Variants in EYS observed in about 807,000 individuals in gnomAD.
The protein encoded by EYS is protein eyes shut homolog.
A neutral mutation model predicts 282.1 loss-of-function variants in EYS; 250 were observed. The observed-to-expected ratio is 0.89, with a 90% CI of 0.80 to 0.98. The LOEUF is 0.98. Ranked by LOEUF, EYS falls within the 50% of genes least tolerant of loss-of-function variation. EYS has a pLI of 0.00. For synonymous variants in EYS, 1,355 were observed against 1,282.9 expected (o/e 1.06, Z -1.20); for missense variants, 4,016 against 3,709.0 (o/e 1.08, Z -2.15).
At chr6:64,144,579 T>C (rs981195139) in intron 31 of EYS, among the ~76,000 whole-genome samples, 17 of 152,136 alleles carry the variant, frequency 1.1e-4, no homozygotes. Flanking sequence ...CAGCACTTGT[T>C]TTCCACGTTC....
rs34632243 is a variant in EYS, at chr6:64,120,357, TAA to T, written c.6425-38357_6425-38356del. On this transcript the variant is annotated intron_variant, in intron 31 of 42. Coordinates refer to ENST00000503581, the MANE Select transcript of EYS (RefSeq NM_001142800.2). ...GGTGACAGAGCGAGACTCCATCTCTTAAAAAAAAAAAAAAAAAAAAAAAAAGA... is the reference window on the plus strand; with the variant it reads ...GGTGACAGAGCGAGACTCCATCTCTTAAAAAAAAAAAAAAAAAAAAAAAGA... Among the ~76,000 whole-genome samples the T allele has an allele frequency of 6.2e-3, 475 of 76,738 alleles. 6 individuals carry two copies. The highest frequency in any genetic ancestry group is 0.024 in the African/African-American group (401 of 16,498). The allele number at this position is 76,738 out of a possible 152,430, so 50.3% of individuals were successfully genotyped here. A position where few individuals can be genotyped will look rare whatever the true frequency, so the allele number is the denominator to read the frequency against.
intron 12 of EYS, among the ~76,000 whole-genome samples, chr6:65,067,767 C>A (rs961801691): frequency 1.3e-5 from 2 of 152,092 alleles, no homozygotes; most frequent in East Asian, 1.9e-4. Flanking sequence ...GTGAGAAGAC[C>A]CTCCTACCAA....
chr6:64,476,239 G>A (rs1439835268), intron 26 of EYS, among the ~76,000 whole-genome samples: 1 of 152,034 alleles, frequency 6.6e-6, no homozygotes, highest in East Asian at 1.9e-4. Context: ...GCCTTTACTT[G>A]TAGTTAACTA....
At chr6:65,610,192 C>A (rs1765945809) in intron 2 of EYS, among the ~76,000 whole-genome samples, 1 of 152,082 alleles carries the variant, frequency 6.6e-6, no homozygotes, top group South Asian at 2.1e-4. Context: ...CAAATATGAG[C>A]TGCCATGCCC....
rs747477695 is a variant in EYS, at chr6:64,439,319, T to A, written c.5678A>T (p.Tyr1893Phe). ...TAAAGCCACATTCTGAAATTCTAGATAAGAATCTCCATAATAACGAACACA... is the reference window on the plus strand; with the variant it reads ...TAAAGCCACATTCTGAAATTCTAGAAAAGAATCTCCATAATAACGAACACA... ...FSCVRYYGDS[Y>F]LEFQNVALNP... is the part of the protein sequence containing the mutation. The change falls in exon 27 of 43, where the codon TAT becomes TTT. Residue 1893 changes from tyrosine (Y) to phenylalanine (F), a missense_variant. Transcript: ENST00000503581. 7.3e-6 allele frequency: 11 copies of A among 1,515,122 alleles called. No homozygotes were observed. The South Asian group carries it at 1.5e-4, about 20-fold the overall frequency. 93.9% of individuals were successfully genotyped at this position (1,515,122 alleles called of 1,614,324 possible).
chr6:65,273,411 T>G (rs1026423517), intron 12 of EYS, among the ~76,000 whole-genome samples: 12 of 152,114 alleles, frequency 7.9e-5, no homozygotes, highest in Admixed American at 7.9e-4. Flanking sequence ...ATGCATTCAT[T>G]CACTCTAAGG....
At chr6:65,400,276 C>T (rs1185255309) in intron 7 of EYS, among the ~76,000 whole-genome samples, 1 of 151,898 alleles carries the variant, frequency 6.6e-6, no homozygotes, top group Admixed American at 6.6e-5. Context: ...TTTGCAGTTG[C>T]TGTATTTCAC....
At chr6:64,570,993 C>T (rs1765707953) in intron 26 of EYS, among the ~76,000 whole-genome samples, 1 of 152,188 alleles carries the variant, frequency 6.6e-6, no homozygotes, top group Non-Finnish European at 1.5e-5. Flanking sequence ...CTCACTCCCA[C>T]ATCACACTTA....
chr6:65,500,570 G>C (rs766583793), intron 2 of EYS, among the ~76,000 whole-genome samples: 1 of 151,892 alleles, frequency 6.6e-6, no homozygotes, highest in Non-Finnish European at 1.5e-5. Flanking sequence ...TGGAAGAAGA[G>C]TAATTAAGTA....
At chr6:65,667,746 A>T (rs1254397191) in intron 1 of EYS, among the ~76,000 whole-genome samples, 2 of 151,814 alleles carry the variant, frequency 1.3e-5, no homozygotes, top group African/African-American at 4.8e-5. Context: ...CCACTGGTAC[A>T]TTTTTCCCAC....
chr6:65,405,494 T>C lies in EYS; in HGVS notation c.863-127A>G, dbSNP rs990552816. ...TTATGAAATATTTTTATTTAACAAA[T>C]GTATTGCAGTGTAAGTTATATATTA... On this transcript the variant is annotated intron_variant, in intron 5 of 42. Coordinates refer to ENST00000503581, the MANE Select transcript of EYS (RefSeq NM_001142800.2). 23 of 732,154 alleles carry C rather than the reference T, an allele frequency of 3.1e-5. No homozygotes were observed. The South Asian group carries it at 4.1e-4, about 13-fold the overall frequency. The allele number at this position is 732,154 out of a possible 1,614,324, so 45.4% of individuals were successfully genotyped here.
chr6:64,105,458 T>C (rs1582275819), intron 31 of EYS, among the ~76,000 whole-genome samples: 1 of 152,068 alleles, frequency 6.6e-6, no homozygotes, highest in Non-Finnish European at 1.5e-5. Flanking sequence ...ATCGTCAAAG[T>C]CTATAGTTTA....
intron 35 of EYS, among the ~76,000 whole-genome samples, chr6:63,979,309 C>T (rs571059689): frequency 6.6e-6 from 1 of 151,984 alleles, no homozygotes; most frequent in African/African-American, 2.4e-5. Flanking sequence ...TGGCCCATTA[C>T]AGAAAATGTT....
intron 31 of EYS, among the ~76,000 whole-genome samples, chr6:64,107,599 T>C (rs1773072993): frequency 6.6e-6 from 1 of 152,014 alleles, no homozygotes; most frequent in Non-Finnish European, 1.5e-5. Context: ...GACTCAAATG[T>C]TAATCTCCTT....
intron 22 of EYS, among the ~76,000 whole-genome samples, chr6:64,696,371 T>C (rs1252366727): frequency 2.6e-5 from 4 of 152,088 alleles, no homozygotes; most frequent in Non-Finnish European, 5.9e-5. Context: ...TGGAACTACA[T>C]GAAATGAAGT....
At chr6:64,630,391 C>G (rs1222053671) in intron 22 of EYS, among the ~76,000 whole-genome samples, 1 of 152,200 alleles carries the variant, frequency 6.6e-6, no homozygotes, top group Non-Finnish European at 1.5e-5. Flanking sequence ...GCCACCACAC[C>G]TGGCCTATTC....
At chr6:63,849,184 C>T (rs1772177945) in intron 36 of EYS, among the ~76,000 whole-genome samples, 2 of 152,204 alleles carry the variant, frequency 1.3e-5, no homozygotes, top group Non-Finnish European at 2.9e-5. Context: ...GCAGCAGCCC[C>T]AGTCAGAGGC....
intron 2 of EYS, among the ~76,000 whole-genome samples, chr6:65,602,645 A>C (rs539756625): frequency 6.6e-6 from 1 of 152,096 alleles, no homozygotes; most frequent in Non-Finnish European, 1.5e-5. Flanking sequence ...ATATTAAATA[A>C]AAAAGACAAA....
chr6:65,383,617 G>A (rs554025336), intron 8 of EYS, among the ~76,000 whole-genome samples: 4 of 150,892 alleles, frequency 2.7e-5, no homozygotes, highest in South Asian at 2.1e-4. Flanking sequence ...AGAAACATTG[G>A]AAGTTCCCTT....
Sources: gnomAD v4.1 joint callset for allele counts (sites outside exome capture counted in the v4.1 genomes callset) on GRCh38, gnomAD v4.1.1 for gene constraint, MANE v1.5 for transcripts, NCBI Gene and HGNC (gene_info 2026-07-23, HGNC 2026-07-21) for gene names.